Variants in GRXCR2 observed in about 807,000 individuals in gnomAD.
The protein encoded by GRXCR2 is glutaredoxin and cysteine rich domain containing 2.
Under a neutral mutation model 24.8 loss-of-function variants are expected in GRXCR2, and 23 were observed. That is an observed-to-expected ratio of 0.93 (90% CI 0.67 to 1.32). The LOEUF is 1.32. Among genes scored for constraint, GRXCR2 ranks in the 40% most tolerant of loss-of-function variants. The probability of loss-of-function intolerance (pLI) is 0.00; values close to 1 mark genes in which losing one functional copy is unlikely to be tolerated. For missense variants in GRXCR2, 315 were observed against 303.4 expected (o/e 1.04, Z -0.28); for synonymous variants, 130 against 116.1 (o/e 1.12, Z -0.77).
chr5:145,873,724 A>G (rs1756569585), upstream of GRXCR2, among the ~76,000 whole-genome samples: 1 of 152,160 alleles, frequency 6.6e-6, no homozygotes, highest in South Asian at 2.1e-4. Context: ...TTCTCCCCCT[A>G]CGCTAACCAG....
intron 2 of GRXCR2, among the ~76,000 whole-genome samples, chr5:145,929,532 T>C (rs1045725523): frequency 2.6e-5 from 4 of 152,072 alleles, no homozygotes; most frequent in South Asian, 2.1e-4. Context: ...ATAACCATAA[T>C]AGATTATAAA....
rs139507224 is a variant in GRXCR2 at position 145,912,916 on chromosome 5, T to C, written c.-70+22785A>G. On this transcript the variant is annotated intron_variant, in intron 2 of 3. Transcript: ENST00000639411. ...GATTTAATCCACAGTGCAATGGAAA[T>C]CCATTGAAAGGTTTTAAGGAGGATA... is the stretch of plus-strand genomic sequence containing the variant. Among the ~76,000 whole-genome samples, 966 of 152,302 alleles carry C rather than the reference T, an allele frequency of 6.3e-3. 3 individuals are homozygous for C. Among genetic ancestry groups the C allele is most frequent in the Non-Finnish European group, 8.7e-3 (593 of 68,024 alleles).
intron 2 of GRXCR2, among the ~76,000 whole-genome samples, chr5:145,908,044 G>A (rs1248783265): frequency 6.6e-6 from 1 of 152,046 alleles, no homozygotes; most frequent in African/African-American, 2.4e-5. Context: ...ATCAGAGGAA[G>A]CTCCAGCCTT....
At chr5:145,896,710 G>A (rs1232263340) in intron 2 of GRXCR2, among the ~76,000 whole-genome samples, 4 of 152,168 alleles carry the variant, frequency 2.6e-5, no homozygotes, top group Admixed American at 1.3e-4. Context: ...TTCAACCCTT[G>A]TGGAAGTCAG....
At chr5:145,867,393 T>C (rs1373062640) in intron 1 of GRXCR2, among the ~76,000 whole-genome samples, 6 of 152,304 alleles carry the variant, frequency 3.9e-5, no homozygotes, top group African/African-American at 1.4e-4. Context: ...TATTTAAAAG[T>C]ATTTCCCCCC....
intron 2 of GRXCR2, among the ~76,000 whole-genome samples, chr5:145,866,134 CAAA>C (rs71581841): frequency 2.3e-5 from 2 of 85,866 alleles, no homozygotes; most frequent in South Asian, 4.2e-4. Context: ...AACTCCTTCT[CAAA>C]AAAAAAAAAA....
intron 2 of GRXCR2, among the ~76,000 whole-genome samples, chr5:145,914,731 C>A (rs1757213098): frequency 7.0e-6 from 1 of 142,620 alleles, no homozygotes; most frequent in Non-Finnish European, 1.5e-5. Context: ...ATAAGCACAG[C>A]AGATAAAGAT....
rs751162851 is a variant in GRXCR2, at chr5:145,872,743, A to G, written c.226T>C (p.Cys76Arg). Residue 76 changes from cysteine (C) to arginine (R), a missense_variant, in exon 1 of 3, where the codon TGC becomes CGC. Transcript: ENST00000377976. ...CTCTGAGCAGTCAGCTTAGGGGAGC[A>G]CATCTGGGGCCTGGGGACTTCCCCA... ...GSGEVPRPQM[C>R]SPKLTAQRIS... The G allele has an allele frequency of 6.2e-7, 1 of 1,614,042 alleles. No individual in the cohort carries two copies. Among genetic ancestry groups the G allele is most frequent in the East Asian group, 2.2e-5 (1 of 44,880 alleles).
At chr5:145,858,024 C>T (rs1756266301), downstream of GRXCR2, among the ~76,000 whole-genome samples, 1 of 152,082 alleles carries the variant, frequency 6.6e-6, no homozygotes, top group Non-Finnish European at 1.5e-5. Flanking sequence ...TGTCGAAAAG[C>T]AGAATAGAGC....
At chr5:145,868,868 G>T (rs748888556) in intron 1 of GRXCR2, among the ~76,000 whole-genome samples, 19 of 152,202 alleles carry the variant, frequency 1.2e-4, no homozygotes, top group Admixed American at 6.5e-5. Context: ...TCTTCCTTGT[G>T]TCTAAGGAAA....
At chr5:145,863,921 G>T (rs1756384851) in intron 2 of GRXCR2, among the ~76,000 whole-genome samples, 1 of 152,188 alleles carries the variant, frequency 6.6e-6, no homozygotes, top group African/African-American at 2.4e-5. Context: ...CTGATTACCT[G>T]TTATATGCCA....
chr5:145,875,698 A>G (rs1360628717), upstream of GRXCR2, among the ~76,000 whole-genome samples: 1 of 152,174 alleles, frequency 6.6e-6, no homozygotes, highest in Non-Finnish European at 1.5e-5. Flanking sequence ...AACAATGTTT[A>G]AAGAAAAAGA....
At chr5:145,922,976 A>G (rs1320929563) in intron 2 of GRXCR2, among the ~76,000 whole-genome samples, 1 of 152,236 alleles carries the variant, frequency 6.6e-6, no homozygotes, top group Non-Finnish European at 1.5e-5. Flanking sequence ...ACATAAAGCA[A>G]TGTATAAAAT....
chr5:145,881,104 C>A (rs1380773857), intron 2 of GRXCR2, among the ~76,000 whole-genome samples: 1 of 152,224 alleles, frequency 6.6e-6, no homozygotes, highest in Non-Finnish European at 1.5e-5. Context: ...GAAGCATTCC[C>A]TTTGAATACT....
intron 2 of GRXCR2, among the ~76,000 whole-genome samples, chr5:145,929,572 A>C (rs781761972): frequency 6.6e-6 from 1 of 152,168 alleles, no homozygotes; most frequent in Non-Finnish European, 1.5e-5. Context: ...GCACAATACA[A>C]TTAACTAGAA....
At chr5:145,916,765 T>G (rs1315349765) in intron 2 of GRXCR2, among the ~76,000 whole-genome samples, 2 of 152,154 alleles carry the variant, frequency 1.3e-5, no homozygotes, top group Non-Finnish European at 2.9e-5. Flanking sequence ...CCTCAAAACC[T>G]TAGTCTCTCA....
At chr5:145,888,330 G>T (rs1161156684) in intron 2 of GRXCR2, among the ~76,000 whole-genome samples, 1 of 152,204 alleles carries the variant, frequency 6.6e-6, no homozygotes, top group African/African-American at 2.4e-5. Context: ...CAGGGCTACA[G>T]CAGCAACCCA....
intron 2 of GRXCR2, among the ~76,000 whole-genome samples, chr5:145,922,313 T>C (rs887399299): frequency 6.6e-6 from 1 of 152,168 alleles, no homozygotes; most frequent in East Asian, 1.9e-4. Flanking sequence ...AGCTGACTCC[T>C]CCTCATCTCT....
chr5:145,931,454 G>A (rs1184556981), intron 2 of GRXCR2, among the ~76,000 whole-genome samples: 1 of 152,156 alleles, frequency 6.6e-6, no homozygotes, highest in Non-Finnish European at 1.5e-5. Context: ...ACTTTACTGT[G>A]GGCCTGGTGA....
Sources: gnomAD v4.1 joint callset for allele counts (sites outside exome capture counted in the v4.1 genomes callset) on GRCh38, gnomAD v4.1.1 for gene constraint, MANE v1.5 for transcripts, NCBI Gene and HGNC (gene_info 2026-07-23, HGNC 2026-07-21) for gene names.